FSTL4: variants seen among roughly 807,000 people sequenced by gnomAD.
The protein encoded by FSTL4 is follistatin-related protein 4.
FSTL4 carries 28 observed loss-of-function variants against 78.2 expected under a neutral mutation model. That is an observed-to-expected ratio of 0.36 (90% CI 0.27 to 0.49). The LOEUF is 0.49. FSTL4 is among the 20% of genes least tolerant of loss of function. The probability of loss-of-function intolerance (pLI) is 0.98; values close to 1 mark genes in which losing one functional copy is unlikely to be tolerated. For missense variants in FSTL4, 922 were observed against 1,084.9 expected, an observed-to-expected ratio of 0.85 and a Z score of 2.11; for synonymous variants, 422 against 440.5, an observed-to-expected ratio of 0.96 and a Z score of 0.53.
chr5:133,779,794 T>A, the FSTL4 span, among the ~76,000 whole-genome samples: 4 of 152,182 alleles, frequency 2.6e-5, no homozygotes, highest in African/African-American at 9.7e-5. Flanking sequence ...TCACTGTTCA[T>A]GTGACAGACC....
At chr5:133,547,159 C>T (rs1759593234) in intron 3 of FSTL4, among the ~76,000 whole-genome samples, 1 of 152,204 alleles carries the variant, frequency 6.6e-6, no homozygotes, top group Admixed American at 6.5e-5. Context: ...ATTCTGCAGC[C>T]TCAAAACTTA....
chr5:133,385,076 A>C (rs532886043), intron 4 of FSTL4, among the ~76,000 whole-genome samples: 1 of 152,110 alleles, frequency 6.6e-6, no homozygotes, highest in South Asian at 2.1e-4. Context: ...ACCCTGGTTT[A>C]CAATAGGCAG....
chr5:133,484,829 TCTTA>T (rs2112861889), intron 3 of FSTL4, among the ~76,000 whole-genome samples: 1 of 152,332 alleles, frequency 6.6e-6, no homozygotes, highest in East Asian at 1.9e-4. Context: ...ATTCCTTCCT[TCTTA>T]CTTTGCATAG....
chr5:133,735,688 G>T, the FSTL4 span, among the ~76,000 whole-genome samples: 1 of 152,052 alleles, frequency 6.6e-6, no homozygotes. Context: ...GCTAGCGTGG[G>T]TCTATTTTCT....
intron 2 of FSTL4, among the ~76,000 whole-genome samples, chr5:133,596,954 T>C (rs148373506): frequency 1.3e-5 from 2 of 152,340 alleles, no homozygotes; most frequent in East Asian, 3.9e-4. Flanking sequence ...CCCCAAAGGA[T>C]GGCTACCCAT....
At position 133,442,658 on chromosome 5, in the gene FSTL4, G is replaced by A. The variant is rs535056559; in HGVS notation, c.161-41672C>T. Reference sequence around the variant, plus strand: ...CATAATCTTGAGCCCTGGTAGAAGTGAGAATTAAAAATATGGAGGCATCTG... The same window carrying A: ...CATAATCTTGAGCCCTGGTAGAAGTAAGAATTAAAAATATGGAGGCATCTG... On this transcript the variant is annotated intron_variant, in intron 3 of 15. Coordinates refer to ENST00000265342, the MANE Select transcript of FSTL4 (RefSeq NM_015082.2). 1.1e-4 allele frequency among the ~76,000 whole-genome samples: 17 copies of A among 152,306 alleles called. No individual in the cohort carries two copies. In the East Asian group the frequency reaches 3.1e-3, roughly 28 times the overall value.
chr5:133,512,345 C>T, intron 3 of FSTL4, among the ~76,000 whole-genome samples: 1 of 152,238 alleles, frequency 6.6e-6, no homozygotes, highest in Non-Finnish European at 1.5e-5. Context: ...ATAGGTGCTG[C>T]AGATTCCCAA....
the FSTL4 span, among the ~76,000 whole-genome samples, chr5:133,704,135 T>C: frequency 6.6e-6 from 1 of 152,164 alleles, no homozygotes; most frequent in African/African-American, 2.4e-5. Flanking sequence ...AGATCTTGAC[T>C]GGTAGCAGAG....
At chr5:133,781,404 TGTGTGTGGC>T in the FSTL4 span, among the ~76,000 whole-genome samples, 16 of 103,454 alleles carry the variant, frequency 1.5e-4, no homozygotes, top group African/African-American at 5.6e-4. Context: ...TGTGTGTGTG[TGTGTGTGGC>T]GTGTATGTGT....
chr5:133,801,504 C>T, the FSTL4 span, among the ~76,000 whole-genome samples: 2 of 152,228 alleles, frequency 1.3e-5, no homozygotes, highest in African/African-American at 4.8e-5. Context: ...CTCCGTACCA[C>T]CTCTGCCGCT....
chr5:133,342,637 C>T (rs1428402854), intron 4 of FSTL4, among the ~76,000 whole-genome samples: 1 of 152,186 alleles, frequency 6.6e-6, no homozygotes, highest in Admixed American at 6.5e-5. Context: ...TCAGATGCTG[C>T]AGGTGAGCTG....
At chr5:133,797,859 G>T in the FSTL4 span, among the ~76,000 whole-genome samples, 1 of 152,030 alleles carries the variant, frequency 6.6e-6, no homozygotes, top group African/African-American at 2.4e-5. Context: ...CAGTCCCGCC[G>T]CAGGGGACCC....
the FSTL4 span, among the ~76,000 whole-genome samples, chr5:133,708,403 G>C: frequency 1.3e-5 from 2 of 152,088 alleles, no homozygotes; most frequent in African/African-American, 4.8e-5. Context: ...TGCTATACTA[G>C]GGCTACTCCC....
the FSTL4 span, among the ~76,000 whole-genome samples, chr5:133,657,766 G>GTT: frequency 2.1e-3 from 183 of 85,912 alleles, no homozygotes; most frequent in Non-Finnish European, 3.3e-3. Context: ...ACTGTTTTTT[G>GTT]TTTTTTTTGT....
intron 14 of FSTL4, among the ~76,000 whole-genome samples, chr5:133,207,319 T>C (rs1750550640): frequency 6.6e-6 from 1 of 152,268 alleles, no homozygotes. Context: ...ACATGCTTAG[T>C]GCTCTTAACC....
At chr5:133,416,624 AT>A (rs1259910645) in intron 3 of FSTL4, among the ~76,000 whole-genome samples, 1 of 152,234 alleles carries the variant, frequency 6.6e-6, no homozygotes, top group Non-Finnish European at 1.5e-5. Flanking sequence ...CAAAATTAAC[AT>A]TACCAGTGGT....
chr5:133,482,879 C>G (rs1031785563), intron 3 of FSTL4, among the ~76,000 whole-genome samples: 4 of 152,172 alleles, frequency 2.6e-5, no homozygotes, highest in Non-Finnish European at 5.9e-5. Context: ...ATAATCCAGA[C>G]TACCCTGGGC....
At chr5:133,495,323 T>C (rs542010621) in intron 3 of FSTL4, among the ~76,000 whole-genome samples, 12 of 152,276 alleles carry the variant, frequency 7.9e-5, no homozygotes, top group African/African-American at 2.9e-4. Context: ...CTGTGATTGC[T>C]GGAGAAAGGA....
chr5:133,550,050 T>C (rs187411), intron 3 of FSTL4, among the ~76,000 whole-genome samples: 75,912 of 151,954 alleles, frequency 0.5, 19,231 homozygotes, highest in African/African-American at 0.57. Flanking sequence ...ACAATCAGAG[T>C]TCAAGGTCAC....
Sources: allele counts gnomAD v4.1 joint callset (sites outside exome capture counted in the v4.1 genomes callset), GRCh38; gene constraint gnomAD v4.1.1; transcripts MANE v1.5; gene names NCBI Gene and HGNC (gene_info 2026-07-23, HGNC 2026-07-21).